The following LPIN1 variants were observed in gnomAD, a reference collection of about 807,000 sequenced individuals.
LPIN1 encodes the protein phosphatidate phosphatase LPIN1.
A neutral mutation model predicts 107.5 loss-of-function variants in LPIN1; 71 were observed. The observed-to-expected ratio is 0.66, with a 90% CI of 0.55 to 0.80. The LOEUF (loss-of-function observed/expected upper bound fraction) is 0.80, where lower values mean the gene tolerates loss of function less well. LPIN1 is among the 30% of genes least tolerant of loss of function. The probability of loss-of-function intolerance (pLI) is 0.00; values close to 1 mark genes in which losing one functional copy is unlikely to be tolerated. For synonymous variants in LPIN1, 445 were observed against 452.6 expected (o/e 0.98, Z 0.21); for missense variants, 1,043 against 1,160.6 (o/e 0.90, Z 1.47).
intron 1 of LPIN1, among the ~76,000 whole-genome samples, chr2:11,759,634 C>A (rs1433396830): frequency 6.6e-6 from 1 of 152,250 alleles, no homozygotes; most frequent in African/African-American, 2.4e-5. Context: ...CCCACATTTC[C>A]CCCTTTTCTA....
At chr2:11,805,237 C>A in intron 17 of LPIN1, 81 bp downstream of exon 17, 1 of 1,133,336 alleles carries the variant, frequency 8.8e-7, no homozygotes, top group Non-Finnish European at 1.3e-6. Flanking sequence ...CTTTCCTGTC[C>A]CAGCACGGGG....
intron 2 of LPIN1, among the ~76,000 whole-genome samples, chr2:11,717,649 TA>T (rs1161028631): frequency 6.6e-6 from 1 of 152,240 alleles, no homozygotes; most frequent in East Asian, 1.9e-4. Flanking sequence ...TTAGAATTTT[TA>T]AAAAAAATTA....
At chr2:11,814,147 C>T (rs570217324) in intron 17 of LPIN1, among the ~76,000 whole-genome samples, 27 of 152,176 alleles carry the variant, frequency 1.8e-4, no homozygotes, top group African/African-American at 6.3e-4. Context: ...GCTGCTGTGT[C>T]TGGGAAGCGG....
At chr2:11,766,825 C>A (rs1016519711) in intron 2 of LPIN1, among the ~76,000 whole-genome samples, 1 of 152,180 alleles carries the variant, frequency 6.6e-6, no homozygotes, top group South Asian at 2.1e-4. Flanking sequence ...TTTGTTGATA[C>A]CAGTGCACAG....
At chr2:11,802,112 A>G (rs1677856876) in intron 14 of LPIN1, among the ~76,000 whole-genome samples, 1 of 152,040 alleles carries the variant, frequency 6.6e-6, no homozygotes, top group Admixed American at 6.5e-5. Context: ...AGTGATTCAT[A>G]TAGCATTGAG....
intron 1 of LPIN1, among the ~76,000 whole-genome samples, chr2:11,731,410 T>G (rs878955190): frequency 2.0e-5 from 3 of 152,240 alleles, no homozygotes; most frequent in Non-Finnish European, 4.4e-5. Context: ...GAGCTCATTC[T>G]TTTTCATGGC....
chr2:11,816,415 A>G (rs1351765142), intron 18 of LPIN1: 2 of 152,222 alleles, frequency 1.3e-5, no homozygotes, highest in Non-Finnish European at 2.9e-5. Context: ...GTTAAGTAGT[A>G]AGGCTTTGCT....
rs761047995 is a variant in LPIN1 at position 11,784,943 on chromosome 2, C to A, written c.1416C>A (p.Asn472Lys). 6.2e-7 allele frequency: 1 copy of A among 1,614,020 alleles called. No individual in the cohort carries two copies. Among genetic ancestry groups the A allele is most frequent in the African/African-American group, 1.3e-5 (1 of 75,070 alleles). Residue 472 changes from asparagine (N) to lysine (K), a missense_variant, in exon 10 of 21, where the codon AAC (asparagine) becomes AAA (lysine). Asn to Lys is a moderately conservative substitution (Grantham distance 94). Coordinates refer to ENST00000674199, the MANE Select transcript of LPIN1 (RefSeq NM_001349206.2). ...HASDNGARSANQSPQSVGSSG... is the reference protein window; with the variant it reads ...HASDNGARSAKQSPQSVGSSG... ...GCGACAACGGAGCCCGGTCAGCCAA[C>A]CAGTCCCCGCAGTCGGTGGGCAGCT...
intron 1 of LPIN1, among the ~76,000 whole-genome samples, chr2:11,761,374 A>T (rs1329105215): frequency 6.6e-6 from 1 of 152,188 alleles, no homozygotes; most frequent in Non-Finnish European, 1.5e-5. Context: ...GTTTATATAT[A>T]TGTGATGTAT....
intron 2 of LPIN1, among the ~76,000 whole-genome samples, chr2:11,718,865 TGAGATATTCCGA>T (rs1464002624): frequency 6.6e-6 from 1 of 152,200 alleles, no homozygotes; most frequent in Non-Finnish European, 1.5e-5. Context: ...TATCAGCTGA[TGAGATATTCCGA>T]GAGATGAAAG....
rs889520400 is a variant in LPIN1, at chr2:11,724,539, G to A, written c.-72G>A. ...AAAGGAGAATCCACCAGGAGACCCA[G>A]GTTCGCATGAGCAGGGGCCTTTATC... On this transcript the variant is annotated splice_region_variant and 5_prime_UTR_variant, in exon 1 of 22. Coordinates refer to the LPIN1 transcript ENST00000396097. 7 of 985,580 alleles carry A rather than the reference G, an allele frequency of 7.1e-6. No individual in the cohort carries two copies. The African/African-American group carries it at 1.2e-4, about 17-fold the overall frequency. The allele number at this position is 985,580 out of a possible 1,614,324, so 61.1% of individuals were successfully genotyped here.
chr2:11,694,844 C>T (rs1662490534), intron 1 of LPIN1, among the ~76,000 whole-genome samples: 1 of 152,168 alleles, frequency 6.6e-6, no homozygotes, highest in South Asian at 2.1e-4. Context: ...ATAAAAAATT[C>T]CTGAATCCTC....
intron 17 of LPIN1, among the ~76,000 whole-genome samples, chr2:11,813,639 G>C (rs1287043884): frequency 6.6e-6 from 1 of 152,162 alleles, no homozygotes; most frequent in Non-Finnish European, 1.5e-5. Context: ...ATGGGGCCGG[G>C]CGTGGTGGCT....
chr2:11,791,884 A>G, intron 12 of LPIN1, 30 bp from the exon 13 acceptor site: 3 of 1,610,382 alleles, frequency 1.9e-6, no homozygotes, highest in Non-Finnish European at 2.5e-6. Flanking sequence ...TTTTTGTTCC[A>G]TTATTTATGT....
intron 1 of LPIN1, among the ~76,000 whole-genome samples, chr2:11,712,362 C>T (rs1224014148): frequency 1.3e-5 from 2 of 152,222 alleles, no homozygotes; most frequent in Admixed American, 6.5e-5. Flanking sequence ...TCCCTACATT[C>T]CCCACAGGCA....
chr2:11,755,456 C>T (rs901596604), intron 1 of LPIN1, among the ~76,000 whole-genome samples: 3 of 152,144 alleles, frequency 2.0e-5, no homozygotes, highest in East Asian at 1.9e-4. Context: ...GAGCAAGCCT[C>T]GTCCCTGTCC....
intron 1 of LPIN1, among the ~76,000 whole-genome samples, chr2:11,724,952 C>T (rs1362097418): frequency 6.6e-6 from 1 of 152,142 alleles, no homozygotes; most frequent in East Asian, 1.9e-4. Flanking sequence ...AATTTTCCCC[C>T]CAATATTTTA....
chr2:11,724,220 C>A, upstream of LPIN1: 1 of 544,552 alleles, frequency 1.8e-6, no homozygotes, highest in Non-Finnish European at 2.3e-6. Flanking sequence ...CTGGCTCACT[C>A]CTCTTCATCT....
At chr2:11,757,447 C>T (rs911985112) in intron 1 of LPIN1, among the ~76,000 whole-genome samples, 2 of 152,206 alleles carry the variant, frequency 1.3e-5, no homozygotes, top group African/African-American at 4.8e-5. Context: ...CTTCTTCCTC[C>T]AGCCTTTTAC....
Sources: gnomAD v4.1 joint callset for allele counts (sites outside exome capture counted in the v4.1 genomes callset) on GRCh38, gnomAD v4.1.1 for gene constraint, MANE v1.5 for transcripts, NCBI Gene and HGNC (gene_info 2026-07-23, HGNC 2026-07-21) for gene names.